SH3BGR: variants seen among roughly 807,000 people sequenced by gnomAD.
The protein encoded by SH3BGR is SH3 domain-binding glutamic acid-rich protein.
SH3BGR carries 29 observed loss-of-function variants against 24.5 expected under a neutral mutation model. The observed-to-expected ratio is 1.18, with a 90% CI of 0.88 to 1.61. SH3BGR has a LOEUF of 1.61. Ranked by LOEUF, SH3BGR falls within the 40% of genes most tolerant of loss-of-function variation. The probability of loss-of-function intolerance (pLI) is 0.00; values close to 1 mark genes in which losing one functional copy is unlikely to be tolerated. For synonymous variants in SH3BGR, 55 were observed against 65.7 expected (o/e 0.84, Z 0.79); for missense variants, 162 against 205.8 (o/e 0.79, Z 1.30).
intron 3 of SH3BGR, among the ~76,000 whole-genome samples, chr21:39,489,383 G>A (rs1300287911): frequency 2.0e-5 from 3 of 152,262 alleles, no homozygotes; most frequent in Non-Finnish European, 4.4e-5. Context: ...CCAAATGCCT[G>A]TCAGAGATGG....
chr21:39,512,972 C>T (rs1401100489), intron 6 of SH3BGR, among the ~76,000 whole-genome samples: 1 of 152,106 alleles, frequency 6.6e-6, no homozygotes, highest in Admixed American at 6.6e-5. Flanking sequence ...CAACATTGCT[C>T]ATGGTTTTGC....
At chr21:39,454,179 C>G (rs570898016) in intron 1 of SH3BGR, among the ~76,000 whole-genome samples, 1 of 152,256 alleles carries the variant, frequency 6.6e-6, no homozygotes, top group South Asian at 2.1e-4. Context: ...AAATTTCACT[C>G]AAAACTTCTT....
chr21:39,477,359 C>T (rs1398275805), intron 3 of SH3BGR, among the ~76,000 whole-genome samples: 1 of 152,110 alleles, frequency 6.6e-6, no homozygotes, highest in Non-Finnish European at 1.5e-5. Context: ...TAGTTTTGAA[C>T]TTCTGGGCTC....
chr21:39,513,686 A>G (rs1287923586), intron 6 of SH3BGR, among the ~76,000 whole-genome samples: 2 of 152,010 alleles, frequency 1.3e-5, no homozygotes, highest in Non-Finnish European at 2.9e-5. Context: ...GTTGGGACTC[A>G]TTTTTGAAAA....
chr21:39,451,726 G>A (rs1467723454), upstream of SH3BGR: 4 of 760,198 alleles, frequency 5.3e-6, no homozygotes, highest in Admixed American at 9.2e-5. Context: ...CACCTCCCTT[G>A]GCCCCAAGGC....
intron 2 of SH3BGR, among the ~76,000 whole-genome samples, chr21:39,474,459 A>G (rs1455397633): frequency 6.6e-6 from 1 of 152,152 alleles, no homozygotes; most frequent in Admixed American, 6.5e-5. Flanking sequence ...TTTATGTTTT[A>G]ATTATAAAAA....
chr21:39,471,663 T>C (rs1460629381), intron 2 of SH3BGR, among the ~76,000 whole-genome samples: 9 of 152,174 alleles, frequency 5.9e-5, no homozygotes, highest in Non-Finnish European at 1.3e-4. Flanking sequence ...AGTCTTGCTA[T>C]GTTGCCCAGG....
At chr21:39,464,083 C>T (rs1048837635) in intron 2 of SH3BGR, among the ~76,000 whole-genome samples, 6 of 152,192 alleles carry the variant, frequency 3.9e-5, no homozygotes, top group Non-Finnish European at 8.8e-5. Flanking sequence ...TCTCTGCCCT[C>T]ATCCTCACAT....
chr21:39,457,801 A>G (rs2077687150), intron 1 of SH3BGR, among the ~76,000 whole-genome samples: 1 of 151,826 alleles, frequency 6.6e-6, no homozygotes, highest in Non-Finnish European at 1.5e-5. Flanking sequence ...GTGTGCGTCC[A>G]TAGTGCCAGC....
chr21:39,495,041 T>C (rs2078369606), intron 3 of SH3BGR, among the ~76,000 whole-genome samples: 1 of 152,212 alleles, frequency 6.6e-6, no homozygotes, highest in African/African-American at 2.4e-5. Context: ...AATGTTACAC[T>C]TGTTTGATTT....
intron 3 of SH3BGR, chr21:39,492,006 A>G (rs1420290383): frequency 6.6e-6 from 1 of 151,908 alleles, no homozygotes; most frequent in Non-Finnish European, 1.5e-5. Flanking sequence ...TTTTTAACTT[A>G]TCTATTGTAT....
intron 4 of SH3BGR, among the ~76,000 whole-genome samples, chr21:39,507,673 T>A (rs974816856): frequency 6.6e-6 from 1 of 151,762 alleles, no homozygotes; most frequent in Non-Finnish European, 1.5e-5. Context: ...ATAGACAAGG[T>A]CTTATTTTGT....
chr21:39,452,160 C>CT lies in SH3BGR; in HGVS notation c.45+22dup. On this transcript the variant is annotated intron_variant, in intron 1 of 6. Transcript: ENST00000333634. ...CATAGCGGTAGGTGTCTGGTGGACT[C>CT]TTTCTTCCTATACTCTTTTCTGAAT... is the stretch of plus-strand genomic sequence containing the variant. The CT allele has an allele frequency of 1.2e-6, 2 of 1,613,984 alleles. No individual in the cohort carries two copies. Among genetic ancestry groups the CT allele is most frequent in the Non-Finnish European group, 1.7e-6 (2 of 1,179,962 alleles).
intron 5 of SH3BGR, among the ~76,000 whole-genome samples, chr21:39,509,828 G>A (rs571124308): frequency 4.6e-4 from 70 of 152,116 alleles, no homozygotes; most frequent in Non-Finnish European, 8.7e-4. Context: ...TGAACACAAG[G>A]GTAGGGAGAA....
At chr21:39,498,796 T>G (rs2078441208) in intron 3 of SH3BGR, among the ~76,000 whole-genome samples, 2 of 152,208 alleles carry the variant, frequency 1.3e-5, no homozygotes, top group Admixed American at 1.3e-4. Flanking sequence ...CATCTATCTA[T>G]TATCTATTCA....
At chr21:39,473,580 TTGAATAAGAGTAACACACAGGA>T (rs2077976579) in intron 2 of SH3BGR, among the ~76,000 whole-genome samples, 1 of 152,024 alleles carries the variant, frequency 6.6e-6, no homozygotes, top group Non-Finnish European at 1.5e-5. Context: ...CAATAAAGCT[TTGAATAAGAGTAACACACAGGA>T]GGCTGGGCAT....
rs184986415 is a variant in SH3BGR, at chr21:39,460,650, A to G, written c.46-1725A>G. On this transcript the variant is annotated intron_variant, in intron 1 of 6. Transcript: ENST00000333634. ...ACGCCCGGGTAATTTTTGTATGTTTAGTAGAGATGGGGTTTCACCATGTTG... is the reference window on the plus strand; with the variant it reads ...ACGCCCGGGTAATTTTTGTATGTTTGGTAGAGATGGGGTTTCACCATGTTG... 7.9e-5 allele frequency among the ~76,000 whole-genome samples: 12 copies of G among 152,134 alleles called. No homozygotes were observed. In the East Asian group the frequency reaches 2.1e-3, roughly 27 times the overall value.
At chr21:39,499,777 T>C in intron 3 of SH3BGR, 46 bp from the exon 4 acceptor site, 1 of 1,432,428 alleles carries the variant, frequency 7.0e-7, no homozygotes, top group Non-Finnish European at 9.7e-7. Context: ...TTTTTTTTTC[T>C]TTTTTCTGTT....
At chr21:39,453,541 A>G (rs1489755347) in intron 1 of SH3BGR, among the ~76,000 whole-genome samples, 1 of 152,156 alleles carries the variant, frequency 6.6e-6, no homozygotes, top group African/African-American at 2.4e-5. Flanking sequence ...TTCAGAAGAC[A>G]ATCAATAAGT....
Sources: allele counts gnomAD v4.1 joint callset (sites outside exome capture counted in the v4.1 genomes callset), GRCh38; gene constraint gnomAD v4.1.1; transcripts MANE v1.5; gene names NCBI Gene and HGNC (gene_info 2026-07-23, HGNC 2026-07-21).